The following SPATA6 variants were observed in gnomAD, a reference collection of about 807,000 sequenced individuals.
SPATA6 encodes spermatogenesis-associated protein 6.
SPATA6 carries 56 observed loss-of-function variants against 65.3 expected under a neutral mutation model. The ratio of observed to expected loss-of-function variants is 0.86; its 90% CI spans 0.69 to 1.07. The LOEUF (loss-of-function observed/expected upper bound fraction) is 1.07, where lower values mean the gene tolerates loss of function less well. Ranked by LOEUF, SPATA6 falls within the 50% of genes least tolerant of loss-of-function variation. SPATA6 has a pLI of 0.00. For missense variants in SPATA6, 590 were observed against 594.8 expected (o/e 0.99, Z 0.08); for synonymous variants, 199 against 213.2 (o/e 0.93, Z 0.58).
At chr1:48,465,847 T>C (rs1163132251) in intron 1 of SPATA6, among the ~76,000 whole-genome samples, 1 of 152,136 alleles carries the variant, frequency 6.6e-6, no homozygotes, top group East Asian at 1.9e-4. Flanking sequence ...TACATGGCAA[T>C]TGCATTACTG....
downstream of SPATA6, among the ~76,000 whole-genome samples, chr1:48,295,055 T>C (rs1301504124): frequency 6.6e-6 from 1 of 152,172 alleles, no homozygotes; most frequent in Non-Finnish European, 1.5e-5. Flanking sequence ...TCTAACATAG[T>C]TCTTAATATA....
chr1:48,368,123 C>T (rs1031231076), intron 9 of SPATA6, among the ~76,000 whole-genome samples: 2 of 152,068 alleles, frequency 1.3e-5, no homozygotes, highest in Non-Finnish European at 2.9e-5. Context: ...GAATATTGGC[C>T]CCCACTCTCT....
chr1:48,344,074 C>T (rs1376096139), intron 11 of SPATA6: 6 of 152,042 alleles, frequency 3.9e-5, no homozygotes. Flanking sequence ...ACAATTAAAA[C>T]ACCATGATTT....
At chr1:48,391,056 T>C (rs764737951) in intron 8 of SPATA6, among the ~76,000 whole-genome samples, 1 of 151,934 alleles carries the variant, frequency 6.6e-6, no homozygotes, top group Non-Finnish European at 1.5e-5. Flanking sequence ...TCACAAGTAG[T>C]TGAAAAAATA....
At chr1:48,404,809 A>T (rs922512577) in intron 5 of SPATA6, among the ~76,000 whole-genome samples, 3 of 152,230 alleles carry the variant, frequency 2.0e-5, no homozygotes, top group African/African-American at 7.2e-5. Context: ...TAACATTTCA[A>T]TCACCACCTT....
chr1:48,299,517 A>AAAAAAAAAAAAAG (rs1644882700), intron 12 of SPATA6, among the ~76,000 whole-genome samples: 1 of 27,506 alleles, frequency 3.6e-5, no homozygotes, highest in Non-Finnish European at 7.1e-5. Context: ...TCCGTCTCGG[A>AAAAAAAAAAAAAG]AAAAAAAAAA....
At chr1:48,273,604 T>C in the SPATA6 span, among the ~76,000 whole-genome samples, 1 of 152,194 alleles carries the variant, frequency 6.6e-6, no homozygotes, top group African/African-American at 2.4e-5. Flanking sequence ...TGGTTTTCTG[T>C]TCCTGTGTTA....
chr1:48,445,597 T>C (rs919916150), intron 3 of SPATA6, among the ~76,000 whole-genome samples: 5 of 138,270 alleles, frequency 3.6e-5, no homozygotes, highest in African/African-American at 5.5e-5. Flanking sequence ...GAGGCGGAGC[T>C]TGCAGTGAGC....
At chr1:48,426,750 C>G (rs1653873231) in intron 3 of SPATA6, among the ~76,000 whole-genome samples, 2 of 151,756 alleles carry the variant, frequency 1.3e-5, no homozygotes, top group South Asian at 4.2e-4. Context: ...AAGAAAATTC[C>G]TACAATGACA....
intron 11 of SPATA6, among the ~76,000 whole-genome samples, chr1:48,350,952 A>C (rs1016705517): frequency 2.0e-5 from 3 of 151,974 alleles, no homozygotes; most frequent in African/African-American, 7.2e-5. Flanking sequence ...CTAGACATCA[A>C]ATTGAGATTC....
intron 9 of SPATA6, among the ~76,000 whole-genome samples, chr1:48,384,056 G>A (rs1429078732): frequency 6.6e-6 from 1 of 151,254 alleles, no homozygotes; most frequent in Non-Finnish European, 1.5e-5. Context: ...ATTGAGCACT[G>A]AGTGAACGAG....
intron 11 of SPATA6, among the ~76,000 whole-genome samples, chr1:48,319,653 G>C (rs1645543291): frequency 6.6e-6 from 1 of 152,166 alleles, no homozygotes; most frequent in Non-Finnish European, 1.5e-5. Flanking sequence ...GAGATCCTCA[G>C]TATTCCACCC....
rs991931130 is a variant in SPATA6, at chr1:48,421,253, C to G, written c.239-8102G>C. 5.9e-5 allele frequency among the ~76,000 whole-genome samples: 9 copies of G among 151,920 alleles called. No homozygotes were observed. In the East Asian group the frequency reaches 1.7e-3, roughly 29 times the overall value. The stretch of plus-strand genomic sequence containing the variant: ...TTGAGGTGCTAGATATGCCAATTAT[C>G]CTAATTTGATCATTACACAATGTAT... On this transcript the variant is annotated intron_variant, in intron 3 of 12. Transcript: ENST00000371847.
intron 11 of SPATA6, among the ~76,000 whole-genome samples, chr1:48,313,969 T>A (rs889870139): frequency 1.3e-5 from 2 of 152,150 alleles, no homozygotes; most frequent in Admixed American, 6.5e-5. Flanking sequence ...GGTAAAGGGA[T>A]CAATTCAACA....
chr1:48,423,886 C>G (rs771855678), intron 3 of SPATA6, among the ~76,000 whole-genome samples: 21 of 152,138 alleles, frequency 1.4e-4, no homozygotes, highest in Non-Finnish European at 2.4e-4. Context: ...ATACATAGTA[C>G]ATGTATATAT....
chr1:48,334,172 T>C (rs1189475299), intron 11 of SPATA6, among the ~76,000 whole-genome samples: 1 of 151,958 alleles, frequency 6.6e-6, no homozygotes. Context: ...AAGAATCAGG[T>C]AGATTCACAG....
At chr1:48,434,322 T>C (rs1227198151) in intron 3 of SPATA6, among the ~76,000 whole-genome samples, 1 of 147,422 alleles carries the variant, frequency 6.8e-6, no homozygotes, top group Non-Finnish European at 1.5e-5. Context: ...TCTAGTGAGA[T>C]AAAAAATTTA....
chr1:48,312,702 A>T (rs1645257546), intron 11 of SPATA6, among the ~76,000 whole-genome samples: 1 of 152,134 alleles, frequency 6.6e-6, no homozygotes, highest in Non-Finnish European at 1.5e-5. Context: ...ATGGAGAATG[A>T]ATTTGACGAG....
chr1:48,387,337 C>T (rs1013419512), intron 8 of SPATA6, among the ~76,000 whole-genome samples: 4 of 152,122 alleles, frequency 2.6e-5, no homozygotes, highest in African/African-American at 4.8e-5. Context: ...TTTGGGACTG[C>T]AGCACAAACG....
Sources: allele counts gnomAD v4.1 joint callset (sites outside exome capture counted in the v4.1 genomes callset), GRCh38; gene constraint gnomAD v4.1.1; transcripts MANE v1.5; gene names NCBI Gene and HGNC (gene_info 2026-07-23, HGNC 2026-07-21).